The following PCDH11X variants were observed in gnomAD, a reference collection of about 807,000 sequenced individuals.
The protein encoded by PCDH11X is protocadherin 11 X-linked, also known as protocadherin-11 X-linked.
PCDH11X carries 18 observed loss-of-function variants against 53.3 expected under a neutral mutation model. The observed-to-expected ratio is 0.34, with a 90% CI of 0.23 to 0.50. The LOEUF is 0.50. Ranked by LOEUF, PCDH11X falls within the 20% of genes least tolerant of loss-of-function variation. The pLI, the probability that PCDH11X is intolerant of heterozygous loss-of-function variation, is 0.98. For missense variants in PCDH11X, 570 were observed against 1,032.4 expected, an observed-to-expected ratio of 0.55 and a Z score of 6.14; for synonymous variants, 279 against 393.3, an observed-to-expected ratio of 0.71 and a Z score of 3.44.
At chrX:92,021,392 G>A (rs2062881662) in intron 6 of PCDH11X, among the ~76,000 whole-genome samples, 2 of 105,164 alleles carry the variant, frequency 1.9e-5, no homozygotes, top group Admixed American at 2.1e-4. Context: ...ATTGATAGCT[G>A]AATCAATGAA....
At chrX:92,035,310 C>A (rs1177970429) in intron 6 of PCDH11X, among the ~76,000 whole-genome samples, 1 of 111,684 alleles carries the variant, frequency 9.0e-6, no homozygotes, top group African/African-American at 3.3e-5. Flanking sequence ...TTTAGCATTT[C>A]TTGTAGCACG....
At chrX:92,223,908 A>T (rs1569429685) in intron 7 of PCDH11X, among the ~76,000 whole-genome samples, 1 of 111,219 alleles carries the variant, frequency 9.0e-6, no homozygotes, top group Non-Finnish European at 1.9e-5. Context: ...TGCAAGACTT[A>T]TAAATGCTAC....
chrX:91,807,141 A>T (rs1936136641), intron 1 of PCDH11X, among the ~76,000 whole-genome samples: 1 of 98,686 alleles, frequency 1.0e-5, no homozygotes, highest in Non-Finnish European at 2.0e-5. Flanking sequence ...GGAGTTGGAG[A>T]CCAGCCTGGG....
At chrX:92,255,690 A>G (rs921226952) in intron 7 of PCDH11X, among the ~76,000 whole-genome samples, 5 of 111,356 alleles carry the variant, frequency 4.5e-5, no homozygotes, top group African/African-American at 6.5e-5. Flanking sequence ...GACTGTTGGA[A>G]TACCCTGCAG....
At chrX:92,475,146 C>A (rs1472070636) in intron 10 of PCDH11X, among the ~76,000 whole-genome samples, 1 of 70,844 alleles carries the variant, frequency 1.4e-5, no homozygotes, top group Non-Finnish European at 2.3e-5. Context: ...GCCTGGGCGA[C>A]AGAGCGAGAC....
chrX:92,122,809 C>T (rs979308738), intron 6 of PCDH11X, among the ~76,000 whole-genome samples: 3 of 110,331 alleles, frequency 2.7e-5, no homozygotes, highest in Non-Finnish European at 5.7e-5. Context: ...TGGTGGCGGG[C>T]ACCTGTAATT....
At chrX:91,788,847 T>G (rs1466570393) in intron 1 of PCDH11X, among the ~76,000 whole-genome samples, 1 of 112,040 alleles carries the variant, frequency 8.9e-6, no homozygotes, top group Admixed American at 9.5e-5. Context: ...ATATGCAAGC[T>G]TTTTGAAACT....
chrX:92,191,070 T>C (rs2066184081), intron 6 of PCDH11X, among the ~76,000 whole-genome samples: 1 of 112,277 alleles, frequency 8.9e-6, no homozygotes, highest in Admixed American at 9.5e-5. Flanking sequence ...CATACTTGCT[T>C]GTTATTCATT....
intron 8 of PCDH11X, among the ~76,000 whole-genome samples, chrX:92,318,034 G>T (rs1224672239): frequency 7.2e-5 from 8 of 110,697 alleles, no homozygotes; most frequent in African/African-American, 9.8e-5. Flanking sequence ...ACTTATTTTT[G>T]TTGTTTCTTA....
chrX:91,847,982 G>A (rs1425816674), intron 5 of PCDH11X, among the ~76,000 whole-genome samples: 1 of 111,508 alleles, frequency 9.0e-6, no homozygotes, highest in Non-Finnish European at 1.9e-5. Context: ...TAAATGTCTT[G>A]CCAAGTTACT....
At chrX:91,887,470 G>T (rs1460057169) in intron 6 of PCDH11X, among the ~76,000 whole-genome samples, 1 of 111,419 alleles carries the variant, frequency 9.0e-6, no homozygotes, top group African/African-American at 3.3e-5. Context: ...GACATCTTTG[G>T]TTTAATGTAT....
At chrX:91,822,268 C>T (rs1344041672) in intron 4 of PCDH11X, among the ~76,000 whole-genome samples, 1 of 107,302 alleles carries the variant, frequency 9.3e-6, no homozygotes, top group Admixed American at 9.9e-5. Context: ...CCTCCTTGTA[C>T]CTCTGGTAGA....
chrX:92,005,362 T>C (rs1330287357), intron 6 of PCDH11X, among the ~76,000 whole-genome samples: 1 of 111,547 alleles, frequency 9.0e-6, no homozygotes, highest in Non-Finnish European at 1.9e-5. Context: ...GTATCCATTA[T>C]ATGCTTTTTG....
chrX:92,257,381 T>A (rs1008123179), intron 7 of PCDH11X, among the ~76,000 whole-genome samples: 1 of 110,918 alleles, frequency 9.0e-6, no homozygotes, highest in Non-Finnish European at 1.9e-5. Flanking sequence ...CTCCCCCAAA[T>A]CTCATGTCTT....
chrX:91,869,692 C>T (rs895257078), intron 5 of PCDH11X, among the ~76,000 whole-genome samples: 15 of 110,801 alleles, frequency 1.4e-4, no homozygotes, highest in Non-Finnish European at 2.1e-4. Context: ...ATTAAAATTA[C>T]ATGCTTGAAA....
At position 91,931,765 on chromosome X, in the gene PCDH11X, C is replaced by T. The variant is rs778621825; in HGVS notation, c.3033+52492C>T. Among the ~76,000 whole-genome samples, 4 of 110,530 alleles carry T rather than the reference C, an allele frequency of 3.6e-5. No homozygotes were observed. The South Asian group carries it at 1.5e-3, about 43-fold the overall frequency. On this transcript the variant is annotated intron_variant, in intron 6 of 10. Transcript: ENST00000682573. The stretch of plus-strand genomic sequence containing the variant: ...TCCTATAGAGAAGTCATATTTTAAG[C>T]AGTCAAACATTCTCTACTCAATAGA...
intron 8 of PCDH11X, among the ~76,000 whole-genome samples, chrX:92,280,221 T>C (rs773611270): frequency 8.9e-6 from 1 of 111,900 alleles, no homozygotes; most frequent in South Asian, 3.7e-4. Flanking sequence ...TTTTGCACAA[T>C]GAAGACATTG....
chrX:92,080,492 A>T (rs931141599), intron 6 of PCDH11X, among the ~76,000 whole-genome samples: 5 of 111,497 alleles, frequency 4.5e-5, no homozygotes, highest in African/African-American at 1.6e-4. Context: ...CTTCAATATC[A>T]TTTGAGATCA....
intron 6 of PCDH11X, among the ~76,000 whole-genome samples, chrX:92,163,629 T>C (rs1360049113): frequency 9.0e-6 from 1 of 111,643 alleles, no homozygotes; most frequent in Non-Finnish European, 1.9e-5. Flanking sequence ...GGGCGTGTGT[T>C]TGGGGGCAGA....
Sources: allele counts gnomAD v4.1 joint callset (sites outside exome capture counted in the v4.1 genomes callset), GRCh38; gene constraint gnomAD v4.1.1; transcripts MANE v1.5; gene names NCBI Gene and HGNC (gene_info 2026-07-23, HGNC 2026-07-21).